LBHD1: variants seen among roughly 807,000 people sequenced by gnomAD.
LBHD1 encodes LBH domain containing 1.
Under a neutral mutation model 31.1 loss-of-function variants are expected in LBHD1, and 28 were observed. The ratio of observed to expected loss-of-function variants is 0.90; its 90% CI spans 0.67 to 1.24. The LOEUF (loss-of-function observed/expected upper bound fraction) is 1.24, where lower values mean the gene tolerates loss of function less well. LBHD1 is among the 50% of genes most tolerant of loss of function. The pLI is 0.00. For missense variants in LBHD1, 350 were observed against 323.0 expected (o/e 1.08, Z -0.64); for synonymous variants, 105 against 116.5 (o/e 0.90, Z 0.63).
At position 62,671,596 on chromosome 11, in the gene LBHD1, T is replaced by C. The variant is rs1277737896; in HGVS notation, c.-43A>G. ...CCAAGCGCTCCGGATTCCAAACGTT[T>C]CCTCGAGCAGGTCCTCTCTAGCCGG... On this transcript the variant is annotated 5_prime_UTR_variant, in exon 1 of 7. Coordinates refer to ENST00000354588, the MANE Select transcript of LBHD1 (RefSeq NM_024099.5). The C allele has an allele frequency of 5.4e-6, 8 of 1,479,972 alleles. No individual in the cohort carries two copies. Among genetic ancestry groups the C allele is most frequent in the Non-Finnish European group, 7.1e-6 (8 of 1,123,288 alleles). The allele number at this position is 1,479,972 out of a possible 1,614,324, so 91.7% of individuals were successfully genotyped here. A position where few individuals can be genotyped will look rare whatever the true frequency, so the allele number is the denominator to read the frequency against.
Position 62,671,555 on chromosome 11 carries a change from C to T in LBHD1, c.-11+9G>A, listed in dbSNP as rs905040690. On this transcript the variant is annotated intron_variant, in intron 1 of 6. Coordinates refer to ENST00000354588, the MANE Select transcript of LBHD1 (RefSeq NM_024099.5). ...CACTTCTTGGACACCTCAACCCCCT[C>T]AGCTAAACCTGAGATCCAAGCGCTC... 3 of 1,430,230 alleles carry T rather than the reference C, an allele frequency of 2.1e-6. No homozygotes were observed. Among genetic ancestry groups the T allele is most frequent in the Middle Eastern group, 1.8e-4 (1 of 5,454 alleles). The allele number at this position is 1,430,230 out of a possible 1,614,324, so 88.6% of individuals were successfully genotyped here.
chr11:62,665,988 A>G (rs1944798339), intron 4 of LBHD1: 1 of 1,577,548 alleles, frequency 6.3e-7, no homozygotes, highest in East Asian at 2.2e-5. Flanking sequence ...AGGTGGGGGC[A>G]GAGTGGGGAG....
At chr11:62,666,113 C>G (rs774275527) in intron 4 of LBHD1, 6 of 853,552 alleles carry the variant, frequency 7.0e-6, no homozygotes, top group Non-Finnish European at 1.1e-5. Context: ...TTTGCCAGGC[C>G]GAGGCGGGCA....
rs796790516 is a variant in LBHD1 at position 62,669,746 on chromosome 11, C to T, written c.208G>A (p.Glu70Lys). 3 of 1,614,216 alleles carry T rather than the reference C, an allele frequency of 1.9e-6. No individual in the cohort carries two copies. Among genetic ancestry groups the T allele is most frequent in the East Asian group, 4.5e-5 (2 of 44,880 alleles). ...GGCAAATGGAGATCCCCACTCTCTT[C>T]ATTCACCTCACTGGATTCCACCACA... ...SIVVESSEVNEESGDLHLPHE... is the reference protein window; with the variant it reads ...SIVVESSEVNKESGDLHLPHE... Residue 70 changes from glutamate (E) to lysine (K), a missense_variant, in exon 3 of 7, where the codon GAA becomes AAA. By Grantham distance (56) the Glu-to-Lys change is moderately conservative. Transcript: ENST00000354588.
At chr11:62,669,142 G>A (rs370406564) in intron 3 of LBHD1, among the ~76,000 whole-genome samples, 107 of 152,128 alleles carry the variant, frequency 7.0e-4, no homozygotes, top group Non-Finnish European at 1.3e-3. Context: ...GGATGGTCTC[G>A]ATCTCCTGAC....
rs553063163 is a variant in LBHD1 at position 62,672,108 on chromosome 11, A to C, written c.-555T>G. 24 of 1,574,178 alleles carry C rather than the reference A, an allele frequency of 1.5e-5. No homozygotes were observed. In the African/African-American group the frequency reaches 2.6e-4, roughly 17 times the overall value. ...GCGAAGGCGGCGCCGGCGGGAGGTC[A>C]CCGTGAGACCGGACTTGCCTCCGTG... On this transcript the variant is annotated 5_prime_UTR_variant, in exon 1 of 7. The change abolishes the stop of an existing upstream ORF in the 5' untranslated region. Transcript: ENST00000354588.
intron 4 of LBHD1, 95 bp from the exon 5 acceptor site, chr11:62,665,068 C>G: frequency 6.4e-7 from 1 of 1,555,132 alleles, no homozygotes; most frequent in South Asian, 1.1e-5. Context: ...GATCCCATCT[C>G]GTGCGAGATA....
At chr11:62,665,550 T>C in intron 4 of LBHD1, 1 of 1,568,300 alleles carries the variant, frequency 6.4e-7, no homozygotes. Flanking sequence ...GCTGGTTCTA[T>C]CCTCAAACGC....
At chr11:62,663,928 C>T (rs1484159578) in intron 5 of LBHD1, among the ~76,000 whole-genome samples, 75 of 150,644 alleles carry the variant, frequency 5.0e-4, no homozygotes, top group African/African-American at 1.7e-3. Flanking sequence ...CAAAAATTAG[C>T]CGGGTGCAGT....
At chr11:62,666,904 G>C (rs375886200) in intron 4 of LBHD1, 40 of 1,613,718 alleles carry the variant, frequency 2.5e-5, no homozygotes, top group Non-Finnish European at 3.4e-5. Context: ...ACCCTCAGGG[G>C]ACCCTGATTC....
At chr11:62,665,845 T>G (rs199880114) in intron 4 of LBHD1, 21 of 1,608,230 alleles carry the variant, frequency 1.3e-5, no homozygotes, top group South Asian at 1.1e-4. Context: ...ACGCTTCACA[T>G]AAGCTTCTCT....
chr11:62,669,472 C>T, intron 3 of LBHD1, 169 bp downstream of exon 3: 1 of 984,206 alleles, frequency 1.0e-6, no homozygotes, highest in Non-Finnish European at 1.2e-6. Flanking sequence ...CTGCTCTCTA[C>T]AATTCATCAA....
chr11:62,671,848 A>C lies in LBHD1; in HGVS notation c.-295T>G. On this transcript the variant is annotated 5_prime_UTR_variant, in exon 1 of 7. Transcript: ENST00000354588. ...TATCGTGACCCCGGGAGAGCGGCGGAAGCAGGAAATGCTAAAGGTAGAAGC... is the reference window on the plus strand; with the variant it reads ...TATCGTGACCCCGGGAGAGCGGCGGCAGCAGGAAATGCTAAAGGTAGAAGC... 2 of 1,614,038 alleles carry C rather than the reference A, an allele frequency of 1.2e-6. No homozygotes were observed. The highest frequency in any genetic ancestry group is 1.7e-6 in the Non-Finnish European group (2 of 1,180,016).
At position 62,672,069 on chromosome 11, in the gene LBHD1, C is replaced by A. The variant is rs913442887; in HGVS notation, c.-516G>T. On this transcript the variant is annotated 5_prime_UTR_variant, in exon 1 of 7. Transcript: ENST00000354588. ...AGGAGAACGTGGCCTGGAGGAAGAACTGGATGGTTGGCGGCGAAGGCGGCG... is the reference window on the plus strand; with the variant it reads ...AGGAGAACGTGGCCTGGAGGAAGAAATGGATGGTTGGCGGCGAAGGCGGCG... 3 of 1,607,334 alleles carry A rather than the reference C, an allele frequency of 1.9e-6. No homozygotes were observed. The highest frequency in any genetic ancestry group is 1.3e-5 in the African/African-American group (1 of 74,872).
chr11:62,671,576 C>T lies in LBHD1; in HGVS notation c.-23G>A. 1 of 1,451,222 alleles carries T rather than the reference C, an allele frequency of 6.9e-7. No individual in the cohort carries two copies. The highest frequency in any genetic ancestry group is 9.0e-7 in the Non-Finnish European group (1 of 1,107,708). The allele number at this position is 1,451,222 out of a possible 1,614,324, so 89.9% of individuals were successfully genotyped here. Reference sequence around the variant, plus strand: ...CCCTCAGCTAAACCTGAGATCCAAGCGCTCCGGATTCCAAACGTTTCCTCG... The same window carrying T: ...CCCTCAGCTAAACCTGAGATCCAAGTGCTCCGGATTCCAAACGTTTCCTCG... On this transcript the variant is annotated 5_prime_UTR_variant, in exon 1 of 7. Transcript: ENST00000354588.
chr11:62,663,142 G>A lies in LBHD1; in HGVS notation c.779C>T (p.Ala260Val), dbSNP rs779942411. 2 of 1,613,968 alleles carry A rather than the reference G, an allele frequency of 1.2e-6. No individual in the cohort carries two copies. The highest frequency in any genetic ancestry group is 3.3e-5 in the Admixed American group (2 of 59,978). The change falls in exon 7 of 7, where the codon GCC becomes GTC. Residue 260 changes from alanine (A) to valine (V), a missense_variant. Coordinates refer to ENST00000354588, the MANE Select transcript of LBHD1 (RefSeq NM_024099.5). ...AGCTGTGGTTCACTAGTCCTGGCTG[G>A]CTTTGAAGGGGCTTCCACTGAGTAA... ...DSHGSGSPFK[A>V]SQD
chr11:62,667,147 G>C (rs1433667850), intron 4 of LBHD1: 3 of 1,302,666 alleles, frequency 2.3e-6, no homozygotes, highest in East Asian at 2.3e-5. Flanking sequence ...GTGAGAATTT[G>C]AGTCCTGGCT....
chr11:62,671,458 C>A, intron 1 of LBHD1, 106 bp downstream of exon 1: 1 of 1,325,280 alleles, frequency 7.5e-7, no homozygotes, highest in Non-Finnish European at 9.7e-7. Context: ...CATGAAGACA[C>A]GCACTCTCCC....
intron 5 of LBHD1, among the ~76,000 whole-genome samples, chr11:62,663,943 A>T (rs1379737957): frequency 5.3e-4 from 77 of 145,794 alleles, no homozygotes; most frequent in African/African-American, 1.8e-3. Flanking sequence ...TGCAGTGGGG[A>T]GCACCTGTAA....
Sources: allele counts gnomAD v4.1 joint callset (sites outside exome capture counted in the v4.1 genomes callset), GRCh38; gene constraint gnomAD v4.1.1; transcripts MANE v1.5; gene names NCBI Gene and HGNC (gene_info 2026-07-23, HGNC 2026-07-21).